The following UBXN7 variants were observed in gnomAD, a reference collection of about 807,000 sequenced individuals.
UBXN7 encodes UBX domain protein 7.
A neutral mutation model predicts 58.0 loss-of-function variants in UBXN7; 9 were observed. The ratio of observed to expected loss-of-function variants is 0.16; its 90% CI spans 0.09 to 0.27. The LOEUF (loss-of-function observed/expected upper bound fraction) is 0.27. UBXN7 is among the 10% of genes least tolerant of loss of function. The probability of loss-of-function intolerance (pLI) is 1.00; values close to 1 mark genes in which losing one functional copy is unlikely to be tolerated. For synonymous variants in UBXN7, 208 were observed against 205.0 expected (o/e 1.01, Z -0.12); for missense variants, 328 against 599.6 (o/e 0.55, Z 4.73).
chr3:196,395,551 C>T (rs1729742353), intron 3 of UBXN7, among the ~76,000 whole-genome samples: 1 of 151,796 alleles, frequency 6.6e-6, no homozygotes, highest in East Asian at 1.9e-4. Context: ...CTCAAGCCAT[C>T]CTCCTGCCTT....
chr3:196,410,659 T>C (rs955207338), intron 1 of UBXN7, among the ~76,000 whole-genome samples: 9 of 151,888 alleles, frequency 5.9e-5, no homozygotes, highest in African/African-American at 2.2e-4. Context: ...CCATCTCTAC[T>C]AAAAATACAA....
intron 10 of UBXN7, among the ~76,000 whole-genome samples, chr3:196,359,144 AC>A (rs1728435848): frequency 1.3e-5 from 2 of 152,062 alleles, no homozygotes; most frequent in African/African-American, 2.4e-5. Flanking sequence ...GCATGTGCTC[AC>A]TGCCTGTCTC....
chr3:196,424,958 T>C (rs1488552386), intron 1 of UBXN7, among the ~76,000 whole-genome samples: 3 of 152,106 alleles, frequency 2.0e-5, no homozygotes, highest in Non-Finnish European at 4.4e-5. Context: ...CGCCTCGGCC[T>C]CCCAAAGTGC....
Position 196,421,366 on chromosome 3 carries a change from G to A in UBXN7, c.73+10961C>T, listed in dbSNP as rs535514421. Among the ~76,000 whole-genome samples, 3 of 152,282 alleles carry A rather than the reference G, an allele frequency of 2.0e-5. No individual in the cohort carries two copies. In the East Asian group the frequency reaches 5.8e-4, roughly 29 times the overall value. Reference sequence around the variant, plus strand: ...GACCAGCTATCTCTTACTAGTCTGTGACAAGATAAAAATACAAATTCCAGT... The same window carrying A: ...GACCAGCTATCTCTTACTAGTCTGTAACAAGATAAAAATACAAATTCCAGT... On this transcript the variant is annotated intron_variant, in intron 1 of 10. Coordinates refer to ENST00000296328, the MANE Select transcript of UBXN7 (RefSeq NM_015562.2).
chr3:196,403,894 T>C (rs1730070217), intron 2 of UBXN7, among the ~76,000 whole-genome samples: 1 of 152,172 alleles, frequency 6.6e-6, no homozygotes, highest in African/African-American at 2.4e-5. Context: ...ATAATCCATC[T>C]CTTCCAATAA....
At chr3:196,401,248 C>CAA (rs35766312) in intron 3 of UBXN7, among the ~76,000 whole-genome samples, 266 of 2,274 alleles carry the variant, frequency 0.12, 112 homozygotes, top group Admixed American at 0.23. Flanking sequence ...CCCGTCTCTC[C>CAA]AAAAAAAAAA....
intron 1 of UBXN7, among the ~76,000 whole-genome samples, chr3:196,420,098 C>T (rs952818371): frequency 6.6e-6 from 1 of 152,134 alleles, no homozygotes; most frequent in Non-Finnish European, 1.5e-5. Flanking sequence ...AGGGACTTAA[C>T]AATTTCTGAT....
intron 8 of UBXN7, 51 bp downstream of exon 8, chr3:196,367,977 T>C: frequency 6.3e-7 from 1 of 1,593,312 alleles, no homozygotes; most frequent in Non-Finnish European, 8.5e-7. Context: ...TATAAGATGC[T>C]TATGACCAAT....
intron 7 of UBXN7, among the ~76,000 whole-genome samples, chr3:196,369,074 T>A (rs1461322258): frequency 1.3e-5 from 2 of 152,094 alleles, no homozygotes; most frequent in Non-Finnish European, 2.9e-5. Context: ...TCCGCCCACC[T>A]CGGCCTCCCA....
At chr3:196,361,512 C>T (rs898833668) in intron 10 of UBXN7, among the ~76,000 whole-genome samples, 3 of 151,714 alleles carry the variant, frequency 2.0e-5, no homozygotes, top group Non-Finnish European at 2.9e-5. Flanking sequence ...AATTTTTTGT[C>T]GAAGGAAGCA....
At chr3:196,391,028 G>T (rs1483443914) in intron 5 of UBXN7, among the ~76,000 whole-genome samples, 1 of 152,224 alleles carries the variant, frequency 6.6e-6, no homozygotes, top group East Asian at 1.9e-4. Flanking sequence ...TTTTGTTTGG[G>T]TTTAGTCACG....
In UBXN7 at chr3:196,407,450, C is replaced by G. The variant is rs967133573; in HGVS notation, c.74-57G>C. 36 of 1,504,468 alleles carry G rather than the reference C, an allele frequency of 2.4e-5. No individual in the cohort carries two copies. The African/African-American group carries it at 4.4e-4, about 18-fold the overall frequency. The allele number at this position is 1,504,468 out of a possible 1,614,324, so 93.2% of individuals were successfully genotyped here. ...AAAAAAAAAAAAAAAAAGACAGCCT[C>G]TTTCTTCAGCTCATATTAGAATTCC... is the stretch of plus-strand genomic sequence containing the variant. On this transcript the variant is annotated intron_variant, in intron 1 of 10. Transcript: ENST00000296328.
In UBXN7 at chr3:196,424,694, T is replaced by G. The variant is rs140570741; in HGVS notation, c.73+7633A>C. Among the ~76,000 whole-genome samples, 589 of 145,644 alleles carry G rather than the reference T, an allele frequency of 4.0e-3. 8 individuals carry two copies. Among genetic ancestry groups the G allele is most frequent in the African/African-American group, 0.014 (543 of 39,708 alleles). ...AGCCACTAGGCCTCGCCTCATCCAT[T>G]TTTATAACCTTTTTTTTTTTTTTTT... On this transcript the variant is annotated intron_variant, in intron 1 of 10. Coordinates refer to ENST00000296328, the MANE Select transcript of UBXN7 (RefSeq NM_015562.2).
chr3:196,390,497 T>C (rs1273741104), intron 5 of UBXN7, among the ~76,000 whole-genome samples: 1 of 152,070 alleles, frequency 6.6e-6, no homozygotes, highest in Non-Finnish European at 1.5e-5. Flanking sequence ...ATCCCAGCAC[T>C]GTGGGAGGCT....
intron 1 of UBXN7, among the ~76,000 whole-genome samples, chr3:196,407,812 G>C (rs1466858834): frequency 6.6e-6 from 1 of 152,032 alleles, no homozygotes; most frequent in Non-Finnish European, 1.5e-5. Flanking sequence ...TAAAAAGAAA[G>C]CATCAGGCTG....
chr3:196,362,826 CT>C, intron 8 of UBXN7, 139 bp from the exon 9 acceptor site: 1 of 1,066,970 alleles, frequency 9.4e-7, no homozygotes, highest in Admixed American at 2.7e-5. Context: ...AGAGCAAGGA[CT>C]GTGTCTTACA....
intron 8 of UBXN7, among the ~76,000 whole-genome samples, chr3:196,366,758 G>A (rs1194214739): frequency 6.6e-6 from 1 of 152,020 alleles, no homozygotes; most frequent in Non-Finnish European, 1.5e-5. Context: ...GCATGGTGAT[G>A]CACATCTGTG....
intron 1 of UBXN7, among the ~76,000 whole-genome samples, chr3:196,413,805 T>G (rs144716623): frequency 6.6e-6 from 1 of 152,296 alleles, no homozygotes; most frequent in Admixed American, 6.5e-5. Context: ...AATTTGAGAA[T>G]GCTCAAGTTC....
chr3:196,368,623 A>C (rs1728733167), intron 7 of UBXN7, among the ~76,000 whole-genome samples: 1 of 152,190 alleles, frequency 6.6e-6, no homozygotes, highest in African/African-American at 2.4e-5. Context: ...CTCACCTAAC[A>C]GATTCCCACC....
Sources: gnomAD v4.1 joint callset for allele counts (sites outside exome capture counted in the v4.1 genomes callset) on GRCh38, gnomAD v4.1.1 for gene constraint, MANE v1.5 for transcripts, NCBI Gene and HGNC (gene_info 2026-07-23, HGNC 2026-07-21) for gene names.